Variants in KCNIP1 observed in about 807,000 individuals in gnomAD.
KCNIP1 encodes the protein potassium voltage-gated channel interacting protein 1.
KCNIP1 carries 18 observed loss-of-function variants against 33.0 expected under a neutral mutation model. The observed-to-expected ratio is 0.55, with a 90% CI of 0.38 to 0.81. The LOEUF (loss-of-function observed/expected upper bound fraction) is 0.81, where lower values mean the gene tolerates loss of function less well. Ranked by LOEUF, KCNIP1 falls within the 30% of genes least tolerant of loss-of-function variation. The pLI is 0.00. For missense variants in KCNIP1, 238 were observed against 271.6 expected (o/e 0.88, Z 0.87); for synonymous variants, 93 against 98.3 (o/e 0.95, Z 0.32).
chr5:170,602,586 G>A (rs563805137), intron 1 of KCNIP1, among the ~76,000 whole-genome samples: 6 of 152,332 alleles, frequency 3.9e-5, no homozygotes, highest in South Asian at 2.1e-4. Context: ...CACTGTTCTC[G>A]TTTCCCTTTG....
intron 1 of KCNIP1, among the ~76,000 whole-genome samples, chr5:170,601,500 G>A (rs1758686791): frequency 6.6e-6 from 1 of 152,154 alleles, no homozygotes; most frequent in Non-Finnish European, 1.5e-5. Context: ...CAGTTTATCT[G>A]TTCAGGGCTT....
exon 1 of KCNIP1, chr5:170,353,633 G>A (rs1398528821): frequency 3.5e-6 from 2 of 570,274 alleles, no homozygotes; most frequent in East Asian, 2.9e-5. Context: ...CTCCCGTGGT[G>A]AGGACTTAAG....
chr5:170,378,151 T>A (rs938789538), intron 1 of KCNIP1: 3 of 152,336 alleles, frequency 2.0e-5, no homozygotes, highest in Non-Finnish European at 4.4e-5. Flanking sequence ...CTCATGTGTT[T>A]CCTTGCAGCT....
chr5:170,367,430 GAAAGAAAGGAAAGAAAGGAAAGAAA>G (rs1763720657), intron 1 of KCNIP1, among the ~76,000 whole-genome samples: 2 of 143,444 alleles, frequency 1.4e-5, no homozygotes, highest in African/African-American at 5.3e-5. Flanking sequence ...AGGAAAGAAA[GAAAGAAAGGAAAGAAAGGAAAGAAA>G]GAAAGAAAGA....
chr5:170,583,182 C>G (rs1757862177), intron 1 of KCNIP1, among the ~76,000 whole-genome samples: 1 of 152,158 alleles, frequency 6.6e-6, no homozygotes, highest in Non-Finnish European at 1.5e-5. Context: ...GAAGGTCCAG[C>G]GCCCTGCCTG....
intron 1 of KCNIP1, among the ~76,000 whole-genome samples, chr5:170,403,500 A>G (rs1485748833): frequency 6.6e-6 from 1 of 152,232 alleles, no homozygotes; most frequent in Non-Finnish European, 1.5e-5. Flanking sequence ...GCATGACCAC[A>G]GGTCCCCATC....
intron 1 of KCNIP1, among the ~76,000 whole-genome samples, chr5:170,687,728 A>G (rs1762588781): frequency 6.6e-6 from 1 of 152,186 alleles, no homozygotes. Context: ...TTGAACCCCA[A>G]CACTGTCTTT....
chr5:170,554,313 G>A (rs1369770054), intron 1 of KCNIP1, among the ~76,000 whole-genome samples: 3 of 152,162 alleles, frequency 2.0e-5, no homozygotes, highest in Admixed American at 1.3e-4. Context: ...TGGAGCCTCC[G>A]AGAGGAAGGT....
upstream of KCNIP1, among the ~76,000 whole-genome samples, chr5:170,501,056 G>A (rs1757400594): frequency 6.6e-6 from 1 of 152,174 alleles, no homozygotes; most frequent in Non-Finnish European, 1.5e-5. Context: ...AGAAAGTAGA[G>A]AGTTAAATCA....
At position 170,489,141 on chromosome 5, in the gene KCNIP1, C is replaced by A. The variant is rs1757155319; in HGVS notation, c.88+135177C>A. On this transcript the variant is annotated intron_variant, in intron 1 of 7. Transcript: ENST00000377360. The surrounding 1 kb of genome is among the most constrained non-coding windows in gnomAD (Gnocchi z 4.3). ...CCAGGCGGGGAGGCTGACCCAATGG[C>A]CCCGGAATGGTGATGGAGCAGCCTG... Among the ~76,000 whole-genome samples, 1 of 152,146 alleles carries A rather than the reference C, an allele frequency of 6.6e-6. No homozygotes were observed. The highest frequency in any genetic ancestry group is 1.5e-5 in the Non-Finnish European group (1 of 68,026).
At position 170,504,639 on chromosome 5, in the gene KCNIP1, C is replaced by T; in HGVS notation, c.61+6C>T. The T allele has an allele frequency of 1.2e-6, 2 of 1,610,540 alleles. No homozygotes were observed. The highest frequency in any genetic ancestry group is 1.7e-6 in the Non-Finnish European group (2 of 1,176,956). On this transcript the variant is annotated splice_donor_region_variant and intron_variant, in intron 1 of 7. Transcript: ENST00000328939. This position sits in a 1 kb window ranked among gnomAD's most constrained non-coding sequence, Gnocchi z 6.0. Reference sequence around the variant, plus strand: ...ACAAAGGCGACCCTCGAAAGGTAAGCCACCTTCTTCCTTTTGTTCCCCTGT... The same window carrying T: ...ACAAAGGCGACCCTCGAAAGGTAAGTCACCTTCTTCCTTTTGTTCCCCTGT...
At chr5:170,414,353 T>C (rs552758189) in intron 1 of KCNIP1, among the ~76,000 whole-genome samples, 2 of 152,342 alleles carry the variant, frequency 1.3e-5, no homozygotes, top group East Asian at 3.9e-4. Flanking sequence ...TCGTGAACTA[T>C]AGCAAGTAGA....
At chr5:170,509,025 CTAGAG>C (rs1255121173) in intron 1 of KCNIP1, among the ~76,000 whole-genome samples, 6 of 152,040 alleles carry the variant, frequency 3.9e-5, no homozygotes, top group Admixed American at 1.3e-4. Flanking sequence ...AAAAATTTTC[CTAGAG>C]TAAACTATAA....
intron 1 of KCNIP1, among the ~76,000 whole-genome samples, chr5:170,570,758 C>T (rs1401396550): frequency 6.6e-6 from 1 of 152,220 alleles, no homozygotes; most frequent in Admixed American, 6.5e-5. Context: ...GTGGGGACAC[C>T]GAACAGGAGA....
chr5:170,735,597 A>G (rs1479376625), intron 7 of KCNIP1, among the ~76,000 whole-genome samples, 162 bp from the exon 8 acceptor site: 4 of 152,152 alleles, frequency 2.6e-5, no homozygotes, highest in Non-Finnish European at 5.9e-5. Flanking sequence ...CTTACTTTGA[A>G]CTGATCACTT....
chr5:170,452,802 G>C (rs190060504), intron 1 of KCNIP1, among the ~76,000 whole-genome samples: 67 of 152,202 alleles, frequency 4.4e-4, no homozygotes, highest in Non-Finnish European at 8.1e-4. Flanking sequence ...TGAAAACCAG[G>C]AATTCAAATG....
chr5:170,359,671 C>A (rs1434877417), intron 1 of KCNIP1, among the ~76,000 whole-genome samples: 1 of 152,178 alleles, frequency 6.6e-6, no homozygotes, highest in Non-Finnish European at 1.5e-5. Flanking sequence ...CAAGCTAGAG[C>A]CTGCCAGGAG....
chr5:170,727,922 C>T (rs1399695382), intron 5 of KCNIP1, among the ~76,000 whole-genome samples: 1 of 152,124 alleles, frequency 6.6e-6, no homozygotes, highest in Non-Finnish European at 1.5e-5. Flanking sequence ...GCCTGGGCAA[C>T]AGAACAAGAC....
intron 1 of KCNIP1, among the ~76,000 whole-genome samples, chr5:170,417,259 G>A (rs921064423): frequency 1.3e-5 from 2 of 152,212 alleles, no homozygotes; most frequent in African/African-American, 4.8e-5. Flanking sequence ...TCTGAGGACT[G>A]GGATTTCTAT....
Sources: allele counts gnomAD v4.1 joint callset (sites outside exome capture counted in the v4.1 genomes callset), GRCh38; gene constraint gnomAD v4.1.1; non-coding constraint Gnocchi (gnomAD v3.1); transcripts MANE v1.5; gene names NCBI Gene and HGNC (gene_info 2026-07-23, HGNC 2026-07-21).